The following COBL variants were observed in gnomAD, a reference collection of about 807,000 sequenced individuals.
The protein encoded by COBL is protein cordon-bleu.
Under a neutral mutation model 98.8 loss-of-function variants are expected in COBL, and 51 were observed. The ratio of observed to expected loss-of-function variants is 0.52; its 90% confidence interval spans 0.41 to 0.65. COBL has a LOEUF of 0.65. Among genes scored for constraint, COBL ranks in the 30% least tolerant of loss-of-function variants. The probability of loss-of-function intolerance (pLI) is 0.00; values close to 1 mark genes in which losing one functional copy is unlikely to be tolerated. For synonymous variants in COBL, 634 were observed against 651.7 expected (o/e 0.97, Z 0.41); for missense variants, 1,617 against 1,617.5 (o/e 1.00, Z 0.01).
At chr7:51,199,592 C>G (rs1242904586) in intron 2 of COBL, among the ~76,000 whole-genome samples, 1 of 152,064 alleles carries the variant, frequency 6.6e-6, no homozygotes, top group East Asian at 1.9e-4. Flanking sequence ...GAAATCAATA[C>G]ATGAACAAAA....
intron 7 of COBL, among the ~76,000 whole-genome samples, chr7:51,048,255 T>C (rs1264705699): frequency 6.6e-6 from 1 of 152,232 alleles, no homozygotes; most frequent in Non-Finnish European, 1.5e-5. Context: ...CCATTTTTCA[T>C]TGACGTCTGA....
At chr7:51,306,087 T>C (rs1171467310) in intron 1 of COBL, among the ~76,000 whole-genome samples, 1 of 151,922 alleles carries the variant, frequency 6.6e-6, no homozygotes, top group Non-Finnish European at 1.5e-5. Context: ...AAGATGGCCC[T>C]TGCTTCCCGA....
intron 8 of COBL, 30 bp from the exon 9 acceptor site, chr7:51,030,939 C>G: frequency 7.3e-7 from 1 of 1,373,374 alleles, no homozygotes; most frequent in Non-Finnish European, 1.0e-6. Context: ...AAGGAGCACT[C>G]ATTTCTCTTA....
chr7:51,079,674 G>C lies in COBL; in HGVS notation c.1096+5492C>G, dbSNP rs145480748. Among the ~76,000 whole-genome samples the C allele has an allele frequency of 2.5e-3, 387 of 152,328 alleles. 3 individuals are homozygous for C. The highest frequency in any genetic ancestry group is 9.1e-3 in the African/African-American group (380 of 41,584). ...GAGACAGGCACCTGAGGTGGCCACA[G>C]GGTGTGCACAGAGAACTTGCCCTGT... is the stretch of plus-strand genomic sequence containing the variant. On this transcript the variant is annotated intron_variant, in intron 7 of 12. Coordinates refer to ENST00000265136, the MANE Select transcript of COBL (RefSeq NM_015198.5).
At chr7:51,291,041 T>C (rs1221813369) in intron 1 of COBL, among the ~76,000 whole-genome samples, 1 of 152,014 alleles carries the variant, frequency 6.6e-6, no homozygotes, top group African/African-American at 2.4e-5. Context: ...ACCCTTGGGG[T>C]ATGACTGAAT....
chr7:51,294,087 T>G lies in COBL; in HGVS notation c.41+22506A>C, dbSNP rs538487463. On this transcript the variant is annotated intron_variant, in intron 1 of 12. Transcript: ENST00000265136. ...TGGCAGATCACTTGAGGTCAGGAATTCGAGACCAGCCTGGCCAACATGGTG... is the reference window on the plus strand; with the variant it reads ...TGGCAGATCACTTGAGGTCAGGAATGCGAGACCAGCCTGGCCAACATGGTG... Among the ~76,000 whole-genome samples, 5 of 152,208 alleles carry G rather than the reference T, an allele frequency of 3.3e-5. No individual in the cohort carries two copies. The South Asian group carries it at 1.0e-3, about 32-fold the overall frequency.
At chr7:51,144,685 A>C (rs1784859938) in intron 5 of COBL, among the ~76,000 whole-genome samples, 1 of 152,202 alleles carries the variant, frequency 6.6e-6, no homozygotes, top group Non-Finnish European at 1.5e-5. Context: ...GTACCCATTA[A>C]GCAGACACTC....
intron 5 of COBL, among the ~76,000 whole-genome samples, chr7:51,175,909 A>G (rs1025477077): frequency 1.6e-4 from 24 of 152,078 alleles, no homozygotes; most frequent in African/African-American, 5.3e-4. Context: ...CATCCCATAA[A>G]TTTACCTTCC....
chr7:51,271,297 T>C (rs571011358), intron 1 of COBL, among the ~76,000 whole-genome samples: 6 of 152,214 alleles, frequency 3.9e-5, no homozygotes, highest in Non-Finnish European at 8.8e-5. Flanking sequence ...AACCTAAACC[T>C]AGACTGGCTC....
At chr7:51,290,551 G>T (rs539127947) in intron 1 of COBL, among the ~76,000 whole-genome samples, 1 of 152,026 alleles carries the variant, frequency 6.6e-6, no homozygotes, top group East Asian at 1.9e-4. Context: ...CAGAACAAAG[G>T]GTGCGTGAAA....
intron 7 of COBL, among the ~76,000 whole-genome samples, chr7:51,059,676 T>C (rs1024014095): frequency 1.3e-5 from 2 of 152,050 alleles, no homozygotes; most frequent in Non-Finnish European, 2.9e-5. Context: ...GCTGGCCCTG[T>C]TCGCATAAAT....
intron 1 of COBL, among the ~76,000 whole-genome samples, chr7:51,264,601 G>A (rs1488177834): frequency 6.7e-6 from 1 of 149,340 alleles, no homozygotes; most frequent in African/African-American, 2.5e-5. Context: ...AACCCGGGAG[G>A]TGGAGGTTGT....
At chr7:51,291,230 C>G (rs1374266265) in intron 1 of COBL, among the ~76,000 whole-genome samples, 2 of 151,992 alleles carry the variant, frequency 1.3e-5, no homozygotes, top group Admixed American at 6.5e-5. Context: ...GTCTGAGTGA[C>G]CAGAAGATAC....
intron 1 of COBL, among the ~76,000 whole-genome samples, chr7:51,232,138 A>G (rs2129105884): frequency 6.6e-6 from 1 of 152,298 alleles, no homozygotes; most frequent in Non-Finnish European, 1.5e-5. Flanking sequence ...TCCCAGATAG[A>G]GAATCAGGAA....
intron 2 of COBL, among the ~76,000 whole-genome samples, chr7:51,203,255 G>A (rs1479656232): frequency 8.6e-6 from 1 of 116,824 alleles, no homozygotes; most frequent in East Asian, 2.2e-4. Context: ...GAGGTCAGGA[G>A]ATCGAGACCA....
intron 1 of COBL, among the ~76,000 whole-genome samples, chr7:51,254,992 C>A (rs1446683863): frequency 6.6e-6 from 1 of 152,156 alleles, no homozygotes; most frequent in Non-Finnish European, 1.5e-5. Flanking sequence ...CCTCCCCACT[C>A]AATTAAAAAG....
At chr7:51,079,386 A>C (rs1025100255) in intron 7 of COBL, among the ~76,000 whole-genome samples, 1 of 152,212 alleles carries the variant, frequency 6.6e-6, no homozygotes, top group African/African-American at 2.4e-5. Flanking sequence ...AGCACATTCC[A>C]CTATAATTTG....
rs1583896764 is a variant in COBL, at chr7:51,130,847, A to G, written c.957+5311T>C. 2.0e-5 allele frequency among the ~76,000 whole-genome samples: 3 copies of G among 152,360 alleles called. No individual in the cohort carries two copies. In the South Asian group the frequency reaches 6.2e-4, roughly 32 times the overall value. Reference sequence around the variant, plus strand: ...GGAACTTCAAGTAATAATGCTTTCCATTAAATGTCTAACATACACAGATCG... The same window carrying G: ...GGAACTTCAAGTAATAATGCTTTCCGTTAAATGTCTAACATACACAGATCG... On this transcript the variant is annotated intron_variant, in intron 6 of 12. Transcript: ENST00000265136.
At chr7:51,157,122 G>A (rs1786242434) in intron 5 of COBL, among the ~76,000 whole-genome samples, 1 of 152,180 alleles carries the variant, frequency 6.6e-6, no homozygotes, top group Non-Finnish European at 1.5e-5. Flanking sequence ...TGTAATCCTA[G>A]CGCTTTGAAA....
Sources: allele counts gnomAD v4.1 joint callset (sites outside exome capture counted in the v4.1 genomes callset), GRCh38; gene constraint gnomAD v4.1.1; transcripts MANE v1.5; gene names NCBI Gene and HGNC (gene_info 2026-07-23, HGNC 2026-07-21).